The following DHX38 variants were observed in gnomAD, a reference collection of about 807,000 sequenced individuals.
The protein encoded by DHX38 is DEAH-box helicase 38.
A neutral mutation model predicts 153.1 loss-of-function variants in DHX38; 100 were observed. The observed-to-expected ratio is 0.65, with a 90% CI of 0.56 to 0.77. DHX38 has a LOEUF of 0.77. Among genes scored for constraint, DHX38 ranks in the 30% least tolerant of loss-of-function variants. DHX38 has a pLI of 0.00. For missense variants in DHX38, 1,440 were observed against 1,654.0 expected (o/e 0.87, Z 2.24); for synonymous variants, 650 against 631.7 (o/e 1.03, Z -0.43).
chr16:72,098,505 G>T, intron 4 of DHX38, 140 bp from the exon 5 acceptor site: 1 of 1,112,540 alleles, frequency 9.0e-7, no homozygotes, highest in Non-Finnish European at 1.3e-6. Context: ...TGTCAAAACC[G>T]ATCTTAACCG....
chr16:72,105,471 C>T, intron 17 of DHX38, 46 bp from the exon 18 acceptor site: 1 of 1,610,648 alleles, frequency 6.2e-7, no homozygotes, highest in Non-Finnish European at 8.5e-7. Context: ...GGAGCCTTTC[C>T]TGTCTCGAGG....
rs373025593 is a variant in DHX38 at position 72,108,461 on chromosome 16, C to T, written c.3121-12C>T. The T allele has an allele frequency of 2.5e-6, 4 of 1,613,830 alleles. No individual in the cohort carries two copies. Among genetic ancestry groups the T allele is most frequent in the East Asian group, 2.2e-5 (1 of 44,884 alleles). ...GAGGGCTCCCTCCTGGTGCCTCCGT[C>T]TCCTGCCCTAGGTCCGGGAGGTGCG... On this transcript the variant is annotated splice_polypyrimidine_tract_variant and intron_variant, in intron 22 of 26. Transcript: ENST00000268482.
In DHX38 at chr16:72,107,654, C is replaced by T. The variant is rs1178993099; in HGVS notation, c.2819C>T (p.Thr940Ile). Residue 940 changes from threonine (T) to isoleucine (I), a missense_variant, in exon 21 of 27, where the codon ACC becomes ATC. Thr to Ile is a moderately conservative substitution (Grantham distance 89). Coordinates refer to ENST00000268482, the MANE Select transcript of DHX38 (RefSeq NM_014003.4). The surrounding 1 kb of genome is among the most constrained non-coding windows in gnomAD (Gnocchi z 5.3). Reference protein sequence around the residue: ...LGALDNTGGLTSTGRLMVEFP... With the variant: ...LGALDNTGGLISTGRLMVEFP... ...TGCTCATCTCTCCTAGGTGGTCTGACCTCTACCGGGCGGCTGATGGTGGAG... is the reference window on the plus strand; with the variant it reads ...TGCTCATCTCTCCTAGGTGGTCTGATCTCTACCGGGCGGCTGATGGTGGAG... The T allele has an allele frequency of 6.2e-7, 1 of 1,614,162 alleles. No individual in the cohort carries two copies. The highest frequency in any genetic ancestry group is 8.5e-7 in the Non-Finnish European group (1 of 1,180,014).
rs769370820 is a variant in DHX38 at position 72,107,560 on chromosome 16, C to T, written c.2809+12C>T. The T allele has an allele frequency of 2.8e-5, 45 of 1,610,530 alleles. No individual in the cohort carries two copies. The highest frequency in any genetic ancestry group is 3.8e-5 in the Non-Finnish European group (45 of 1,177,180). On this transcript the variant is annotated intron_variant, in intron 20 of 26. Transcript: ENST00000268482. The surrounding 1 kb of genome is among the most constrained non-coding windows in gnomAD (Gnocchi z 5.3). Reference sequence around the variant, plus strand: ...CCTGGACAACACAGGTGAGGCGGCCCCGGGAGCCTCATGGGTGCTGGCGCT... The same window carrying T: ...CCTGGACAACACAGGTGAGGCGGCCTCGGGAGCCTCATGGGTGCTGGCGCT...
chr16:72,103,018 C>A, intron 11 of DHX38, 56 bp from the exon 12 acceptor site: 2 of 1,592,768 alleles, frequency 1.3e-6, no homozygotes, highest in East Asian at 2.2e-5. Flanking sequence ...GCAACCCAAT[C>A]AGGAAGGACA....
At position 72,097,663 on chromosome 16, in the gene DHX38, G is replaced by A. The variant is rs894711614; in HGVS notation, c.512-14G>A. On this transcript the variant is annotated splice_polypyrimidine_tract_variant and intron_variant, in intron 3 of 26. Transcript: ENST00000268482. ...TGGGATGCATGTTTTTAAGCTTCGTGTGACTCTTCATAGATGAGCGGGATA... is the reference window on the plus strand; with the variant it reads ...TGGGATGCATGTTTTTAAGCTTCGTATGACTCTTCATAGATGAGCGGGATA... 4 of 1,612,730 alleles carry A rather than the reference G, an allele frequency of 2.5e-6. No individual in the cohort carries two copies. The highest frequency in any genetic ancestry group is 3.4e-6 in the Non-Finnish European group (4 of 1,179,230).
Position 72,105,611 on chromosome 16 carries a change from A to T in DHX38, c.2474A>T (p.Tyr825Phe). 3 of 1,614,034 alleles carry T rather than the reference A, an allele frequency of 1.9e-6. No individual in the cohort carries two copies. The highest frequency in any genetic ancestry group is 2.5e-6 in the Non-Finnish European group (3 of 1,179,986). Reference sequence around the variant, plus strand: ...ATCATGTTTGTTATCGATTCTGGTTATTGCAAATTAAAGGTAAGAGAAGAC... The same window carrying T: ...ATCATGTTTGTTATCGATTCTGGTTTTTGCAAATTAAAGGTAAGAGAAGAC... ...DGIMFVIDSG[Y>F]CKLKVFNPRI... The change falls in exon 18 of 27, where the codon TAT becomes TTT. Residue 825 changes from tyrosine to phenylalanine, a missense_variant. Transcript: ENST00000268482.
intron 26 of DHX38, among the ~76,000 whole-genome samples, chr16:72,111,426 G>C (rs2042254518): frequency 6.6e-6 from 1 of 152,224 alleles, no homozygotes; most frequent in Non-Finnish European, 1.5e-5. Flanking sequence ...AGTTAGGCCA[G>C]ACTTGACAGG....
At position 72,104,278 on chromosome 16, in the gene DHX38, G is replaced by T; in HGVS notation, c.2010+147G>T. 1 of 1,219,846 alleles carries T rather than the reference G, an allele frequency of 8.2e-7. No homozygotes were observed. The highest frequency in any genetic ancestry group is 2.6e-5 in the Admixed American group (1 of 38,500). The allele number at this position is 1,219,846 out of a possible 1,614,324, so 75.6% of individuals were successfully genotyped here. ...TCTGGTTGCAGTTCAGACTCGGGTT[G>T]TAGTTCATGCTGTTCTTGCTCTGCT... On this transcript the variant is annotated intron_variant, in intron 14 of 26. Coordinates refer to ENST00000268482, the MANE Select transcript of DHX38 (RefSeq NM_014003.4). This position sits in a 1 kb window ranked among gnomAD's most constrained non-coding sequence, Gnocchi z 4.5.
chr16:72,096,062 T>A (rs1335813882), intron 1 of DHX38, 77 bp from the exon 2 acceptor site: 9 of 1,438,334 alleles, frequency 6.3e-6, no homozygotes, highest in Non-Finnish European at 8.4e-6. Flanking sequence ...CACCTACATA[T>A]AACCATAACT....
chr16:72,097,547 C>T, intron 3 of DHX38, 130 bp from the exon 4 acceptor site: 2 of 803,050 alleles, frequency 2.5e-6, no homozygotes, highest in Non-Finnish European at 4.1e-6. Context: ...TTTCAGGAGT[C>T]CACGGATCAC....
chr16:72,098,668 A>G lies in DHX38; in HGVS notation c.640A>G (p.Thr214Ala). The part of the protein sequence containing the change: ...PKDAATPSRS[T>A]WEEEDSGYGS... ...AGATGCAGCCACCCCTTCAAGGTCT[A>G]CCTGGGAGGAAGAGGACAGTGGCTA... The change falls in exon 5 of 27, where the codon ACC (threonine) becomes GCC (alanine). Residue 214 changes from threonine (T) to alanine (A), a missense_variant. Around this residue, in one of 6 missense-constraint regions of DHX38, gnomAD observed 483 missense variants for 465.1 expected, o/e 1.04. Transcript: ENST00000268482. 1 of 1,614,128 alleles carries G rather than the reference A, an allele frequency of 6.2e-7. No homozygotes were observed. The highest frequency in any genetic ancestry group is 8.5e-7 in the Non-Finnish European group (1 of 1,180,006).
At chr16:72,105,739 G>A in intron 18 of DHX38, 115 bp downstream of exon 18, 1 of 932,128 alleles carries the variant, frequency 1.1e-6, no homozygotes, top group South Asian at 1.4e-5. Context: ...GCGTGGAAGT[G>A]GTGGTGGTGG....
At position 72,105,157 on chromosome 16, in the gene DHX38, CTG is replaced by C. The variant is rs1359976556; in HGVS notation, c.2262+23_2262+24del. On this transcript the variant is annotated intron_variant, in intron 16 of 26. Coordinates refer to ENST00000268482, the MANE Select transcript of DHX38 (RefSeq NM_014003.4). Reference sequence around the variant, plus strand: ...ATTGAGGTGCGTGCCTTGGTCACGACTGTGATGAGCGGGTGTGTCTTGCATAT... The same window carrying C: ...ATTGAGGTGCGTGCCTTGGTCACGACTGATGAGCGGGTGTGTCTTGCATAT... 6.2e-7 allele frequency: 1 copy of C among 1,613,784 alleles called. No individual in the cohort carries two copies. The highest frequency in any genetic ancestry group is 1.7e-5 in the Admixed American group (1 of 60,006).
intron 12 of DHX38, 83 bp from the exon 13 acceptor site, chr16:72,103,519 T>G: frequency 6.9e-7 from 1 of 1,453,390 alleles, no homozygotes; most frequent in Non-Finnish European, 9.5e-7. Flanking sequence ...GTCATGGGGA[T>G]AGGAGGTAGC....
Position 72,106,082 on chromosome 16 carries a change from G to A in DHX38, c.2565G>A (p.Gly855=). The A allele has an allele frequency of 1.9e-6, 3 of 1,614,210 alleles. No individual in the cohort carries two copies. The highest frequency in any genetic ancestry group is 2.2e-5 in the East Asian group (1 of 44,880). The change falls in exon 19 of 27, where the codon GGG becomes GGA. Residue 855 remains glycine (G), a synonymous_variant. Transcript: ENST00000268482. ...ISQANANQRS[G]RAGRTGPGQC... is the part of the protein sequence containing the mutation. ...AGGCCAATGCCAACCAGCGGTCAGGGCGAGCCGGCAGGACGGGCCCAGGTC... is the reference window on the plus strand; with the variant it reads ...AGGCCAATGCCAACCAGCGGTCAGGACGAGCCGGCAGGACGGGCCCAGGTC...
chr16:72,112,589 T>C lies in DHX38; in HGVS notation c.*92T>C. 7.3e-7 allele frequency: 1 copy of C among 1,374,976 alleles called. No homozygotes were observed. The highest frequency in any genetic ancestry group is 1.0e-6 in the Non-Finnish European group (1 of 979,606). 85.2% of individuals were successfully genotyped at this position (1,374,976 alleles called of 1,614,324 possible). ...AGGCTGCGGACAAAGCCCTTTCATC[T>C]GAGGACTTTCATCTGTGCATATCAC... is the stretch of plus-strand genomic sequence containing the variant. On this transcript the variant is annotated 3_prime_UTR_variant, in exon 27 of 27. Transcript: ENST00000268482.
chr16:72,104,407 G>A lies in DHX38; in HGVS notation c.2011-79G>A. On this transcript the variant is annotated intron_variant, in intron 14 of 26. Coordinates refer to ENST00000268482, the MANE Select transcript of DHX38 (RefSeq NM_014003.4). The surrounding 1 kb of genome is among the most constrained non-coding windows in gnomAD (Gnocchi z 4.5). ...TGTCAGCTTTGGCTTGTGTTTCCTCGGGGGTGGTGCTGATGGGACTGGGGG... is the reference window on the plus strand; with the variant it reads ...TGTCAGCTTTGGCTTGTGTTTCCTCAGGGGTGGTGCTGATGGGACTGGGGG... 1.3e-6 allele frequency: 2 copies of A among 1,572,856 alleles called. No individual in the cohort carries two copies. The highest frequency in any genetic ancestry group is 1.7e-6 in the Non-Finnish European group (2 of 1,160,100).
rs1389454886 is a variant in DHX38 at position 72,096,163 on chromosome 16, G to A, written c.6G>A (p.Gly2=). 1.3e-6 allele frequency: 2 copies of A among 1,596,104 alleles called. No homozygotes were observed. Among genetic ancestry groups the A allele is most frequent in the Admixed American group, 1.7e-5 (1 of 59,524 alleles). The stretch of plus-strand genomic sequence containing the variant: ...GAGAAATCCCAGATCCTGTGATGGG[G>A]GACACCAGTGAGGATGCCTCGATCC... M[G]DTSEDASIHR... Residue 2 remains glycine, a synonymous_variant, in exon 2 of 27, where the codon GGG becomes GGA. Transcript: ENST00000268482.
Sources: allele counts gnomAD v4.1 joint callset (sites outside exome capture counted in the v4.1 genomes callset), GRCh38; gene constraint gnomAD v4.1.1; regional missense constraint gnomAD v4.1.1; non-coding constraint Gnocchi (gnomAD v3.1); transcripts MANE v1.5; gene names NCBI Gene and HGNC (gene_info 2026-07-23, HGNC 2026-07-21).